The following LARGE1 variants were observed in gnomAD, a reference collection of about 807,000 sequenced individuals.
The protein encoded by LARGE1 is xylosyl- and glucuronyltransferase LARGE1.
In LARGE1, 43 loss-of-function variants were observed where a neutral mutation model predicts 87.6. The observed-to-expected ratio is 0.49, with a 90% confidence interval of 0.38 to 0.63. LARGE1 has a LOEUF of 0.63. LARGE1 is among the 30% of genes least tolerant of loss of function. The probability of loss-of-function intolerance (pLI) is 0.00; values close to 1 mark genes in which losing one functional copy is unlikely to be tolerated. For synonymous variants in LARGE1, 434 were observed against 394.6 expected, an observed-to-expected ratio of 1.10 and a Z score of -1.18; for missense variants, 802 against 1,000.2, an observed-to-expected ratio of 0.80 and a Z score of 2.67.
the LARGE1 span, among the ~76,000 whole-genome samples, chr22:33,074,532 AG>A: frequency 6.6e-6 from 1 of 152,010 alleles, no homozygotes; most frequent in East Asian, 1.9e-4. Context: ...AAAATTAGCC[AG>A]GTGTGGTGCC....
chr22:33,562,815 C>G (rs2077900792), intron 6 of LARGE1: 1 of 152,546 alleles, frequency 6.6e-6, no homozygotes, highest in African/African-American at 2.4e-5. Flanking sequence ...ATGACCTGTT[C>G]TGGTGACTAT....
chr22:33,849,512 C>T (rs1454938744), intron 1 of LARGE1, among the ~76,000 whole-genome samples: 1 of 151,944 alleles, frequency 6.6e-6, no homozygotes, highest in African/African-American at 2.4e-5. Context: ...GCAGTACTCA[C>T]TCATAACCTA....
chr22:33,866,723 G>A (rs1216067447), intron 1 of LARGE1, among the ~76,000 whole-genome samples: 1 of 152,156 alleles, frequency 6.6e-6, no homozygotes, highest in Non-Finnish European at 1.5e-5. Flanking sequence ...ACACCCTTAT[G>A]GTGCACGGTG....
chr22:33,183,663 C>A (rs1923314348), intron 11 of LARGE1, among the ~76,000 whole-genome samples: 1 of 147,704 alleles, frequency 6.8e-6, no homozygotes, highest in Non-Finnish European at 1.5e-5. Context: ...CAGTATTTAG[C>A]CATAAAAAAG....
chr22:33,889,456 A>T (rs893358108), intron 1 of LARGE1, among the ~76,000 whole-genome samples: 1 of 152,198 alleles, frequency 6.6e-6, no homozygotes, highest in East Asian at 1.9e-4. Flanking sequence ...AATAATACGT[A>T]TCTGGAAATT....
At chr22:33,808,066 T>C (rs991245295) in intron 1 of LARGE1, among the ~76,000 whole-genome samples, 2 of 152,258 alleles carry the variant, frequency 1.3e-5, no homozygotes, top group African/African-American at 2.4e-5. Flanking sequence ...TTTAGTTGCA[T>C]ATGAAATTGC....
chr22:33,745,650 G>A (rs921267201), intron 2 of LARGE1, among the ~76,000 whole-genome samples: 2 of 152,182 alleles, frequency 1.3e-5, no homozygotes, highest in African/African-American at 2.4e-5. Context: ...CCCGGTTCTC[G>A]CTACTGCTTG....
chr22:33,616,303 T>TC (rs2079577780), intron 4 of LARGE1, among the ~76,000 whole-genome samples: 1 of 152,012 alleles, frequency 6.6e-6, no homozygotes, highest in African/African-American at 2.4e-5. Context: ...GGTCAGGAGT[T>TC]CAAGACCAAG....
At chr22:33,231,591 A>T (rs1025451541) in intron 11 of LARGE1, among the ~76,000 whole-genome samples, 2 of 152,266 alleles carry the variant, frequency 1.3e-5, no homozygotes, top group Non-Finnish European at 2.9e-5. Flanking sequence ...ATGTTATTGC[A>T]GGTGAAGAGA....
At chr22:33,224,434 G>A (rs1024630762) in intron 11 of LARGE1, among the ~76,000 whole-genome samples, 6 of 152,004 alleles carry the variant, frequency 3.9e-5, no homozygotes, top group African/African-American at 1.2e-4. Context: ...TTGTGCCAGC[G>A]CTATTATCTC....
At chr22:33,159,563 T>G (rs1213495509), downstream of LARGE1, among the ~76,000 whole-genome samples, 2 of 151,914 alleles carry the variant, frequency 1.3e-5, no homozygotes, top group African/African-American at 4.8e-5. Flanking sequence ...CTCTGCCTCT[T>G]GGTACCTAAA....
intron 9 of LARGE1, among the ~76,000 whole-genome samples, chr22:33,368,652 G>T (rs986616823): frequency 6.6e-6 from 1 of 151,550 alleles, no homozygotes; most frequent in African/African-American, 2.4e-5. Flanking sequence ...GTGCCTGTTT[G>T]TGTATATGTA....
chr22:33,346,948 C>T (rs888982291), intron 9 of LARGE1, among the ~76,000 whole-genome samples: 2 of 152,206 alleles, frequency 1.3e-5, no homozygotes, highest in African/African-American at 4.8e-5. Context: ...CTAGTGTCCT[C>T]TTCTCACTTC....
chr22:33,277,381 C>T, intron 13 of LARGE1, 126 bp from the exon 14 acceptor site: 1 of 897,182 alleles, frequency 1.1e-6, no homozygotes, highest in Admixed American at 2.0e-5. Flanking sequence ...TGTCTCCCTC[C>T]CAAAAGCTAT....
At chr22:33,202,067 C>T (rs1484651396) in intron 11 of LARGE1, among the ~76,000 whole-genome samples, 2 of 149,386 alleles carry the variant, frequency 1.3e-5, no homozygotes, top group Admixed American at 6.7e-5. Context: ...ACCAGGGAGG[C>T]GGAGGTTGCA....
intron 11 of LARGE1, among the ~76,000 whole-genome samples, chr22:33,254,141 AG>A (rs1367650955): frequency 1.3e-5 from 2 of 152,174 alleles, no homozygotes; most frequent in African/African-American, 4.8e-5. Flanking sequence ...AGGGACTCAA[AG>A]GCAGGCCAAG....
At chr22:33,539,727 A>T (rs2077138949) in intron 6 of LARGE1, among the ~76,000 whole-genome samples, 1 of 71,420 alleles carries the variant, frequency 1.4e-5, no homozygotes, top group Admixed American at 1.8e-4. Context: ...AGTAGCTGGG[A>T]CCACACCCAC....
At chr22:33,675,138 C>T (rs912629996) in intron 2 of LARGE1, among the ~76,000 whole-genome samples, 9 of 151,242 alleles carry the variant, frequency 6.0e-5, no homozygotes, top group African/African-American at 2.2e-4. Context: ...ATCAAAAATA[C>T]AAAAAATTAG....
chr22:33,090,324 T>C, the LARGE1 span, among the ~76,000 whole-genome samples: 1 of 152,168 alleles, frequency 6.6e-6, no homozygotes, highest in Non-Finnish European at 1.5e-5. Flanking sequence ...TTATTCACTA[T>C]GTTAGAAAAT....
Sources: allele counts gnomAD v4.1 joint callset (sites outside exome capture counted in the v4.1 genomes callset), GRCh38; gene constraint gnomAD v4.1.1; transcripts MANE v1.5; gene names NCBI Gene and HGNC (gene_info 2026-07-23, HGNC 2026-07-21).